The following FREM1 variants were observed in gnomAD, a reference collection of about 807,000 sequenced individuals.
The protein encoded by FREM1 is FRAS1 related extracellular matrix 1, also known as FRAS1-related extracellular matrix protein 1.
Under a neutral mutation model 210.1 loss-of-function variants are expected in FREM1, and 220 were observed. The ratio of observed to expected loss-of-function variants is 1.05; its 90% confidence interval spans 0.94 to 1.17. The LOEUF (loss-of-function observed/expected upper bound fraction) is 1.17, where lower values mean the gene tolerates loss of function less well. FREM1 is among the 50% of genes most tolerant of loss of function. The pLI is 0.00. For synonymous variants in FREM1, 1,189 were observed against 980.2 expected (o/e 1.21, Z -3.98); for missense variants, 3,454 against 2,675.5 (o/e 1.29, Z -6.42).
intron 1 of FREM1, among the ~76,000 whole-genome samples, chr9:14,870,647 T>C (rs1183403671): frequency 1.3e-5 from 2 of 152,096 alleles, no homozygotes; most frequent in African/African-American, 2.4e-5. Flanking sequence ...CTTTTTTTTA[T>C]TTTAATTCAT....
chr9:14,770,329 T>C (rs1019433333), intron 26 of FREM1, among the ~76,000 whole-genome samples: 1 of 152,194 alleles, frequency 6.6e-6, no homozygotes, highest in Non-Finnish European at 1.5e-5. Context: ...TTGGTCCTGA[T>C]ATTATGTTCC....
At chr9:14,860,662 T>TACATATATACAC (rs1829772227) in intron 3 of FREM1, among the ~76,000 whole-genome samples, 1 of 133,232 alleles carries the variant, frequency 7.5e-6, no homozygotes, top group African/African-American at 3.2e-5. Flanking sequence ...TACACATATA[T>TACATATATACAC]ACATATATAC....
At chr9:14,778,791 T>G (rs1187786881) in intron 24 of FREM1, among the ~76,000 whole-genome samples, 2 of 139,952 alleles carry the variant, frequency 1.4e-5, no homozygotes, top group Non-Finnish European at 3.1e-5. Flanking sequence ...GCCTATAGCT[T>G]GGACACTCTG....
chr9:14,761,410 C>T (rs1845470858), intron 27 of FREM1, among the ~76,000 whole-genome samples: 1 of 152,038 alleles, frequency 6.6e-6, no homozygotes, highest in East Asian at 1.9e-4. Context: ...GAGTTTATTG[C>T]TACTTCATAT....
chr9:14,802,538 T>G (rs1817483152), intron 19 of FREM1, among the ~76,000 whole-genome samples: 1 of 152,184 alleles, frequency 6.6e-6, no homozygotes, highest in Non-Finnish European at 1.5e-5. Context: ...CACACCCACT[T>G]CAGGTTTCAT....
chr9:14,782,138 G>T (rs1192088170), intron 24 of FREM1, among the ~76,000 whole-genome samples: 2 of 152,210 alleles, frequency 1.3e-5, no homozygotes, highest in Non-Finnish European at 1.5e-5. Flanking sequence ...CTGGGCCTGA[G>T]ACTGGACTTA....
chr9:14,759,518 C>CAATAATAATAACAATAATAATAAT (rs1845065797), intron 28 of FREM1, among the ~76,000 whole-genome samples: 1 of 143,042 alleles, frequency 7.0e-6, no homozygotes, highest in Non-Finnish European at 1.5e-5. Context: ...CTCAAAATAA[C>CAATAATAATAACAATAATAATAAT]AATAATAATA....
At position 14,750,112 on chromosome 9, in the gene FREM1, G is replaced by A. The variant is rs921878903; in HGVS notation, c.5557+15C>T. ...AGGACCGCTCCTGATTTCAAGATGA[G>A]GATCAAAAGAATACCTCCTTTTGAG... On this transcript the variant is annotated intron_variant, in intron 30 of 36. Transcript: ENST00000380880. 3 of 1,612,614 alleles carry A rather than the reference G, an allele frequency of 1.9e-6. No individual in the cohort carries two copies. Among genetic ancestry groups the A allele is most frequent in the South Asian group, 2.2e-5 (2 of 90,646 alleles).
chr9:14,858,505 CT>C (rs35912803), intron 4 of FREM1, among the ~76,000 whole-genome samples: 40,536 of 138,280 alleles, frequency 0.29, 7,375 homozygotes, highest in East Asian at 0.69. Flanking sequence ...CAGCCACCCA[CT>C]TTTTTTTTTT....
intron 13 of FREM1, among the ~76,000 whole-genome samples, chr9:14,820,951 G>A (rs1821188809): frequency 6.6e-6 from 1 of 152,160 alleles, no homozygotes; most frequent in Non-Finnish European, 1.5e-5. Context: ...AATTTCCAAT[G>A]TTTCAAGGAA....
intron 27 of FREM1, among the ~76,000 whole-genome samples, chr9:14,764,671 T>A (rs1212137976): frequency 6.6e-6 from 1 of 152,158 alleles, no homozygotes; most frequent in African/African-American, 2.4e-5. Context: ...TGCTGCTGAA[T>A]GTTCTGCAGT....
intron 1 of FREM1, among the ~76,000 whole-genome samples, chr9:14,873,299 T>C (rs1448406925): frequency 6.6e-6 from 1 of 152,204 alleles, no homozygotes; most frequent in South Asian, 2.1e-4. Flanking sequence ...CATCAGGTCC[T>C]GGACTCTTTT....
chr9:14,823,733 A>G (rs1164778691), intron 12 of FREM1, among the ~76,000 whole-genome samples: 4 of 152,204 alleles, frequency 2.6e-5, no homozygotes, highest in African/African-American at 9.6e-5. Context: ...AATTTTGTGG[A>G]ATAAAAACGT....
rs554606073 is a variant in FREM1 at position 14,876,289 on chromosome 9, T to C, written c.-267-7045A>G. Among the ~76,000 whole-genome samples, 3 of 152,322 alleles carry C rather than the reference T, an allele frequency of 2.0e-5. No individual in the cohort carries two copies. The South Asian group carries it at 6.2e-4, about 32-fold the overall frequency. ...GTGCCCTGCCCCCAGAGGTGGAGCC[T>C]ACAGAGGCAGGCAGGTCTCCTTGAG... is the stretch of plus-strand genomic sequence containing the variant. On this transcript the variant is annotated intron_variant, in intron 1 of 36. Coordinates refer to ENST00000380880, the MANE Select transcript of FREM1 (RefSeq NM_001379081.2).
At position 14,739,629 on chromosome 9, in the gene FREM1, T is replaced by C. The variant is rs758191121; in HGVS notation, c.6340+520A>G. ...GTTTTTATTCTAAATTATTTCATAC[T>C]TTATATGGATGTGGACCCTGCATTT... On this transcript the variant is annotated intron_variant, in intron 36 of 36. Coordinates refer to ENST00000380880, the MANE Select transcript of FREM1 (RefSeq NM_001379081.2). 2.3e-4 allele frequency among the ~76,000 whole-genome samples: 34 copies of C among 150,466 alleles called. No individual in the cohort carries two copies. The South Asian group carries it at 2.3e-3, about 10-fold the overall frequency.
intron 1 of FREM1, among the ~76,000 whole-genome samples, chr9:14,891,368 A>G (rs1186233056): frequency 6.6e-6 from 1 of 152,244 alleles, no homozygotes; most frequent in Non-Finnish European, 1.5e-5. Flanking sequence ...ATGACAAAAA[A>G]AAATTCTTGC....
chr9:14,785,714 C>G (rs1477580628), intron 23 of FREM1, among the ~76,000 whole-genome samples: 1 of 93,030 alleles, frequency 1.1e-5, no homozygotes, highest in Non-Finnish European at 2.4e-5. Context: ...CATGAAGTAC[C>G]TAGAGTAGCA....
chr9:14,840,807 C>T (rs1437796258), intron 10 of FREM1, among the ~76,000 whole-genome samples: 2 of 152,222 alleles, frequency 1.3e-5, no homozygotes, highest in East Asian at 1.9e-4. Context: ...ACTACCCTGA[C>T]TCCACTTTCT....
chr9:14,818,549 C>T (rs574230918), intron 14 of FREM1, among the ~76,000 whole-genome samples: 1 of 152,258 alleles, frequency 6.6e-6, no homozygotes, highest in East Asian at 1.9e-4. Flanking sequence ...GTCTACCCGA[C>T]CATTGCTTTT....
Sources: allele counts gnomAD v4.1 joint callset (sites outside exome capture counted in the v4.1 genomes callset), GRCh38; gene constraint gnomAD v4.1.1; transcripts MANE v1.5; gene names NCBI Gene and HGNC (gene_info 2026-07-23, HGNC 2026-07-21).